Variants in SERAC1 observed in about 807,000 individuals in gnomAD.
SERAC1 encodes the protein protein SERAC1.
Under a neutral mutation model 85.7 loss-of-function variants are expected in SERAC1, and 36 were observed. That is an observed-to-expected ratio of 0.42 (90% CI 0.32 to 0.55). The LOEUF is 0.55. SERAC1 is among the 20% of genes least tolerant of loss of function. The pLI, the probability that SERAC1 is intolerant of heterozygous loss-of-function variation, is 0.11. For missense variants in SERAC1, 629 were observed against 796.2 expected, an observed-to-expected ratio of 0.79 and a Z score of 2.53; for synonymous variants, 242 against 265.3, an observed-to-expected ratio of 0.91 and a Z score of 0.85.
intron 8 of SERAC1, among the ~76,000 whole-genome samples, chr6:158,131,331 ATATT>A (rs1305231760): frequency 6.8e-6 from 1 of 147,450 alleles, no homozygotes; most frequent in East Asian, 1.9e-4. Context: ...TGTATAGTAT[ATATT>A]TACATTTATT....
At chr6:158,142,974 TG>T in intron 8 of SERAC1, 81 bp downstream of exon 8, 5 of 1,127,042 alleles carry the variant, frequency 4.4e-6, no homozygotes, top group Non-Finnish European at 6.5e-6. Flanking sequence ...ACTCAGTTAC[TG>T]GGTGAATGCC....
At chr6:158,114,537 T>C in intron 15 of SERAC1, 1 of 1,209,194 alleles carries the variant, frequency 8.3e-7, no homozygotes, top group Non-Finnish European at 1.0e-6. Context: ...ATTATCTGAT[T>C]ATTTTTCTAA....
At chr6:158,147,003 T>C in intron 5 of SERAC1, 90 bp from the exon 6 acceptor site, 2 of 1,352,952 alleles carry the variant, frequency 1.5e-6, no homozygotes, top group Non-Finnish European at 2.1e-6. Flanking sequence ...AACACTGAAA[T>C]CTACAATTGG....
At chr6:158,157,913 C>T (rs143698529) in intron 2 of SERAC1, among the ~76,000 whole-genome samples, 4 of 152,148 alleles carry the variant, frequency 2.6e-5, no homozygotes, top group Non-Finnish European at 5.9e-5. Context: ...TATCCCGAGC[C>T]CCCGTAAGGC....
chr6:158,131,475 TATA>T (rs1005075683), intron 8 of SERAC1, among the ~76,000 whole-genome samples: 3 of 33,526 alleles, frequency 8.9e-5, no homozygotes, highest in East Asian at 9.8e-4. Flanking sequence ...AATACATAAA[TATA>T]ATATAAATAT....
intron 10 of SERAC1, among the ~76,000 whole-genome samples, chr6:158,124,103 G>A (rs1269317371): frequency 6.6e-6 from 1 of 152,196 alleles, no homozygotes; most frequent in Non-Finnish European, 1.5e-5. Context: ...CAGGAGATAA[G>A]AGGACTGAAG....
At chr6:158,148,758 A>G in intron 5 of SERAC1, 107 bp downstream of exon 5, 1 of 801,686 alleles carries the variant, frequency 1.2e-6, no homozygotes, top group Non-Finnish European at 1.9e-6. Context: ...AATTTTCCAT[A>G]GCTATAAAAA....
intron 3 of SERAC1, among the ~76,000 whole-genome samples, chr6:158,151,321 G>A (rs1785198642): frequency 6.6e-6 from 1 of 152,216 alleles, no homozygotes; most frequent in Admixed American, 6.5e-5. Flanking sequence ...TAAAGCAGAA[G>A]GATCCCTTGA....
intron 6 of SERAC1, chr6:158,146,026 C>T (rs1785047345): frequency 6.6e-6 from 1 of 152,024 alleles, no homozygotes; most frequent in Non-Finnish European, 1.5e-5. Flanking sequence ...TGGGTACATT[C>T]GACTATTAGT....
At position 158,119,290 on chromosome 6, in the gene SERAC1, T is replaced by A; in HGVS notation, c.1167-120A>T. On this transcript the variant is annotated intron_variant, in intron 11 of 16. Transcript: ENST00000647468. This position sits in a 1 kb window ranked among gnomAD's most constrained non-coding sequence, Gnocchi z 4.5. ...AGGCTTATGTGACATAAAACTGAATTAAAGCAAGCTCTATAAGCACAGGTT... is the reference window on the plus strand; with the variant it reads ...AGGCTTATGTGACATAAAACTGAATAAAAGCAAGCTCTATAAGCACAGGTT... 10 of 1,198,904 alleles carry A rather than the reference T, an allele frequency of 8.3e-6. No individual in the cohort carries two copies. The highest frequency in any genetic ancestry group is 1.0e-5 in the Non-Finnish European group (9 of 883,468). The allele number at this position is 1,198,904 out of a possible 1,614,324, so 74.3% of individuals were successfully genotyped here. A position where few individuals can be genotyped will look rare whatever the true frequency, so the allele number is the denominator to read the frequency against.
Position 158,120,843 on chromosome 6 carries a change from A to G in SERAC1, c.1016-268T>C, listed in dbSNP as rs1784403169. 2.6e-5 allele frequency among the ~76,000 whole-genome samples: 4 copies of G among 152,190 alleles called. No individual in the cohort carries two copies. On this transcript the variant is annotated intron_variant, in intron 10 of 16. Coordinates refer to ENST00000647468, the MANE Select transcript of SERAC1 (RefSeq NM_032861.4). This position sits in a 1 kb window ranked among gnomAD's most constrained non-coding sequence, Gnocchi z 4.4. ...TTTATTTAGAAAGCCTAACACTAATACCAATTATAGAGGTGTTCATAGCAG... is the reference window on the plus strand; with the variant it reads ...TTTATTTAGAAAGCCTAACACTAATGCCAATTATAGAGGTGTTCATAGCAG...
At chr6:158,159,138 C>A (rs1785424689) in intron 1 of SERAC1, 1 of 151,918 alleles carries the variant, frequency 6.6e-6, no homozygotes, top group Admixed American at 6.6e-5. Context: ...TTATTATTTT[C>A]TTCTTTCTTT....
chr6:158,154,458 A>G (rs1785279095), intron 3 of SERAC1, among the ~76,000 whole-genome samples: 1 of 152,224 alleles, frequency 6.6e-6, no homozygotes, highest in African/African-American at 2.4e-5. Flanking sequence ...AAATGTATGC[A>G]TTTGGATAAA....
intron 8 of SERAC1, among the ~76,000 whole-genome samples, chr6:158,139,620 G>A (rs1257725126): frequency 6.6e-6 from 1 of 152,212 alleles, no homozygotes; most frequent in Non-Finnish European, 1.5e-5. Context: ...AGCTATTCAG[G>A]AGGCTGAGGT....
Position 158,117,853 on chromosome 6 carries a change from T to C in SERAC1, c.1309-32A>G, listed in dbSNP as rs774314198. 22 of 1,560,532 alleles carry C rather than the reference T, an allele frequency of 1.4e-5. No individual in the cohort carries two copies. The highest frequency in any genetic ancestry group is 1.9e-5 in the Non-Finnish European group (22 of 1,133,358). ...AAAATAAAACATATGTGAGAACAAGTATGAATCTTCACCACTGCAATTACT... is the reference window on the plus strand; with the variant it reads ...AAAATAAAACATATGTGAGAACAAGCATGAATCTTCACCACTGCAATTACT... On this transcript the variant is annotated intron_variant, in intron 12 of 16. Coordinates refer to ENST00000647468, the MANE Select transcript of SERAC1 (RefSeq NM_032861.4). The surrounding 1 kb of genome is among the most constrained non-coding windows in gnomAD (Gnocchi z 4.3).
intron 8 of SERAC1, among the ~76,000 whole-genome samples, chr6:158,138,416 C>T (rs1319597937): frequency 3.1e-5 from 3 of 98,348 alleles, no homozygotes; most frequent in Non-Finnish European, 5.6e-5. Flanking sequence ...GCCTGGGTGA[C>T]AAGAGGGAGA....
intron 8 of SERAC1, among the ~76,000 whole-genome samples, chr6:158,135,973 C>T (rs142457757): frequency 6.6e-6 from 1 of 152,040 alleles, no homozygotes; most frequent in Admixed American, 6.6e-5. Context: ...CCACGCCTGG[C>T]TAATTTTTTT....
At chr6:158,165,696 C>T (rs1785583184) in intron 1 of SERAC1, among the ~76,000 whole-genome samples, 1 of 152,194 alleles carries the variant, frequency 6.6e-6, no homozygotes, top group African/African-American at 2.4e-5. Context: ...TGATCTACCT[C>T]TTAACTGAAG....
intron 8 of SERAC1, among the ~76,000 whole-genome samples, chr6:158,142,281 C>T (rs985923203): frequency 2.0e-5 from 3 of 151,956 alleles, no homozygotes; most frequent in African/African-American, 7.3e-5. Flanking sequence ...CCAGCTCAGC[C>T]TCTCAAACAG....
Sources: gnomAD v4.1 joint callset for allele counts (sites outside exome capture counted in the v4.1 genomes callset) on GRCh38, gnomAD v4.1.1 for gene constraint, Gnocchi (gnomAD v3.1) non-coding constraint, MANE v1.5 for transcripts, NCBI Gene and HGNC (gene_info 2026-07-23, HGNC 2026-07-21) for gene names.